Variants in BICC1 observed in about 807,000 individuals in gnomAD.
The protein encoded by BICC1 is BicC family RNA binding protein 1, also known as protein bicaudal C homolog 1.
Under a neutral mutation model 111.0 loss-of-function variants are expected in BICC1, and 43 were observed. The observed-to-expected ratio is 0.39, with a 90% CI of 0.30 to 0.50. The LOEUF is 0.50. Among genes scored for constraint, BICC1 ranks in the 20% least tolerant of loss-of-function variants. The probability of loss-of-function intolerance (pLI) is 0.88; values close to 1 mark genes in which losing one functional copy is unlikely to be tolerated. For missense variants in BICC1, 1,091 were observed against 1,203.2 expected (o/e 0.91, Z 1.38); for synonymous variants, 467 against 434.4 (o/e 1.07, Z -0.93).
intron 1 of BICC1, among the ~76,000 whole-genome samples, chr10:58,603,989 C>A (rs1476080318): frequency 6.6e-6 from 1 of 152,130 alleles, no homozygotes; most frequent in Non-Finnish European, 1.5e-5. Flanking sequence ...AAGTTCAGAT[C>A]TATATTTCTG....
intron 3 of BICC1, among the ~76,000 whole-genome samples, chr10:58,719,274 A>G (rs964045504): frequency 2.6e-5 from 4 of 152,150 alleles, no homozygotes; most frequent in Non-Finnish European, 1.5e-5. Flanking sequence ...TTCCAGCAAC[A>G]TTGATTTATA....
At chr10:58,522,869 GA>G (rs577232767) in intron 1 of BICC1, among the ~76,000 whole-genome samples, 309 of 151,784 alleles carry the variant, frequency 2.0e-3, no homozygotes, top group African/African-American at 7.0e-3. Context: ...TGATAAAGGG[GA>G]TATCACCATC....
intron 1 of BICC1, among the ~76,000 whole-genome samples, chr10:58,562,770 T>C (rs1843644866): frequency 6.6e-6 from 1 of 151,928 alleles, no homozygotes; most frequent in African/African-American, 2.4e-5. Flanking sequence ...TTTCTGTTTA[T>C]GTGTCTTGTA....
At chr10:58,632,701 C>G (rs1168001266) in intron 2 of BICC1, among the ~76,000 whole-genome samples, 1 of 152,116 alleles carries the variant, frequency 6.6e-6, no homozygotes, top group Admixed American at 6.5e-5. Context: ...ACCTGTGACT[C>G]CATGACCTGA....
intron 3 of BICC1, among the ~76,000 whole-genome samples, chr10:58,745,565 T>A (rs1419382824): frequency 2.0e-5 from 3 of 151,150 alleles, no homozygotes; most frequent in African/African-American, 7.3e-5. Context: ...ACTGAGAATT[T>A]GTTTCCTTGC....
At chr10:58,517,440 T>A (rs1842271412) in intron 1 of BICC1, among the ~76,000 whole-genome samples, 1 of 149,466 alleles carries the variant, frequency 6.7e-6, no homozygotes, top group South Asian at 2.1e-4. Flanking sequence ...AGTGGATTTT[T>A]AAAATGATTT....
At chr10:58,703,009 G>A (rs1334104686) in intron 3 of BICC1, among the ~76,000 whole-genome samples, 1 of 152,050 alleles carries the variant, frequency 6.6e-6, no homozygotes, top group Non-Finnish European at 1.5e-5. Context: ...AGATTTCTCA[G>A]TTTCCTTTCT....
At chr10:58,753,321 A>G (rs1267639718) in intron 3 of BICC1, among the ~76,000 whole-genome samples, 3 of 152,056 alleles carry the variant, frequency 2.0e-5, no homozygotes, top group Non-Finnish European at 2.9e-5. Flanking sequence ...GGCACACACC[A>G]TCAGGCCTGG....
chr10:58,540,952 A>C (rs552616405), intron 1 of BICC1, among the ~76,000 whole-genome samples: 5 of 152,264 alleles, frequency 3.3e-5, no homozygotes, highest in Admixed American at 3.3e-4. Flanking sequence ...AAGGAAATGT[A>C]ACACATGATC....
intron 15 of BICC1, 50 bp downstream of exon 15, chr10:58,803,292 C>A: frequency 6.7e-7 from 1 of 1,500,634 alleles, no homozygotes; most frequent in Non-Finnish European, 9.0e-7. Context: ...TGTTTGGGTT[C>A]TGGTATGGAG....
At chr10:58,818,915 T>G (rs1844176363) in intron 19 of BICC1, among the ~76,000 whole-genome samples, 1 of 152,278 alleles carries the variant, frequency 6.6e-6, no homozygotes, top group South Asian at 2.1e-4. Flanking sequence ...TTTGTTTTCA[T>G]CTATGTTTCC....
chr10:58,724,836 G>T (rs980399248), intron 3 of BICC1, among the ~76,000 whole-genome samples: 2 of 152,134 alleles, frequency 1.3e-5, no homozygotes, highest in African/African-American at 2.4e-5. Flanking sequence ...TATTTTCCTT[G>T]CACCTCCGAT....
At chr10:58,585,494 T>G (rs567582691) in intron 1 of BICC1, among the ~76,000 whole-genome samples, 1 of 152,324 alleles carries the variant, frequency 6.6e-6, no homozygotes, top group South Asian at 2.1e-4. Context: ...ATGCTTATAT[T>G]TTGATAAATT....
In BICC1 at chr10:58,786,003, A is replaced by AT. The variant is rs202120836; in HGVS notation, c.388-913dup. Among the ~76,000 whole-genome samples, 859 of 152,204 alleles carry AT rather than the reference A, an allele frequency of 5.6e-3. 11 individuals carry two copies. The highest frequency in any genetic ancestry group is 0.02 in the African/African-American group (822 of 41,534). On this transcript the variant is annotated intron_variant, in intron 4 of 20. Coordinates refer to ENST00000373886, the MANE Select transcript of BICC1 (RefSeq NM_001080512.3). ...TTAGAATTTTCTTCAGGAAAGGGGG[A>AT]TTTTTTTGTGTTTTAAAGGTTAAAC...
chr10:58,615,070 C>T (rs1275131225), intron 1 of BICC1, among the ~76,000 whole-genome samples: 2 of 151,944 alleles, frequency 1.3e-5, no homozygotes, highest in Admixed American at 1.3e-4. Flanking sequence ...CAAGAATTGG[C>T]TAAGTGCCCC....
In BICC1 at chr10:58,829,157, G is replaced by GTTTTTAT. The variant is rs368705961; in HGVS notation, c.*269_*275dup. On this transcript the variant is annotated 3_prime_UTR_variant, in exon 21 of 21. Transcript: ENST00000373886. ...ATATAAGGATAGGGCTTTATTTCCT[G>GTTTTTAT]TTTTTATTTACCTATATAACATATG... 1.3e-3 allele frequency: 145 copies of GTTTTTAT among 110,524 alleles called. No individual in the cohort carries two copies. The highest frequency in any genetic ancestry group is 2.1e-3 in the Non-Finnish European group (126 of 61,056). The allele number at this position is 110,524 out of a possible 1,614,324, so 6.8% of individuals were successfully genotyped here.
At chr10:58,707,234 A>G (rs1406886455) in intron 3 of BICC1, among the ~76,000 whole-genome samples, 1 of 152,234 alleles carries the variant, frequency 6.6e-6, no homozygotes, top group Admixed American at 6.5e-5. Flanking sequence ...TGAGAAAAAT[A>G]GTAGACAGTT....
intron 1 of BICC1, among the ~76,000 whole-genome samples, chr10:58,603,920 G>A (rs970094089): frequency 3.9e-5 from 6 of 152,182 alleles, no homozygotes; most frequent in Non-Finnish European, 5.9e-5. Context: ...AATTAAGTAC[G>A]TAATAAGTAT....
At position 58,596,707 on chromosome 10, in the gene BICC1, A is replaced by T. The variant is rs181498911; in HGVS notation, c.191-24148A>T. Among the ~76,000 whole-genome samples, 82 of 152,332 alleles carry T rather than the reference A, an allele frequency of 5.4e-4. 1 individual carries two copies. In the East Asian group the frequency reaches 0.014, roughly 27 times the overall value. On this transcript the variant is annotated intron_variant, in intron 1 of 20. Transcript: ENST00000373886. Reference sequence around the variant, plus strand: ...TTAAGCCGATAAGCAACTTCAGCAAAGTCTCAGGATACAAAATCAATGTGC... The same window carrying T: ...TTAAGCCGATAAGCAACTTCAGCAATGTCTCAGGATACAAAATCAATGTGC...
Sources: gnomAD v4.1 joint callset for allele counts (sites outside exome capture counted in the v4.1 genomes callset) on GRCh38, gnomAD v4.1.1 for gene constraint, MANE v1.5 for transcripts, NCBI Gene and HGNC (gene_info 2026-07-23, HGNC 2026-07-21) for gene names.